The following ABCF2 variants were observed in gnomAD, a reference collection of about 807,000 sequenced individuals.
ABCF2 encodes ATP-binding cassette sub-family F member 2.
A neutral mutation model predicts 76.9 loss-of-function variants in ABCF2; 37 were observed. The observed-to-expected ratio is 0.48, with a 90% CI of 0.37 to 0.63. The LOEUF (loss-of-function observed/expected upper bound fraction) is 0.63, where lower values mean the gene tolerates loss of function less well. Among genes scored for constraint, ABCF2 ranks in the 30% least tolerant of loss-of-function variants. The pLI is 0.00. For synonymous variants in ABCF2, 299 were observed against 283.7 expected, an observed-to-expected ratio of 1.05 and a Z score of -0.54; for missense variants, 524 against 782.1, an observed-to-expected ratio of 0.67 and a Z score of 3.94.
chr7:151,223,081 C>T (rs916719264), intron 5 of ABCF2, among the ~76,000 whole-genome samples: 12 of 152,130 alleles, frequency 7.9e-5, no homozygotes, highest in East Asian at 1.9e-4. Flanking sequence ...TTGGGTGAAC[C>T]GGAGGCAGCT....
At chr7:151,221,202 C>CTTTTTTTT (rs57035639) in intron 7 of ABCF2, among the ~76,000 whole-genome samples, 1 of 140,548 alleles carries the variant, frequency 7.1e-6, no homozygotes, top group Admixed American at 7.1e-5. Flanking sequence ...GATAGGTCTG[C>CTTTTTTTT]TTTTTTTTTT....
rs190020927 is a variant in ABCF2 at position 151,212,315 on chromosome 7, C to G, written c.*1739G>C. On this transcript the variant is annotated 3_prime_UTR_variant, in exon 15 of 15. Transcript: ENST00000287844. ...CAGATAAGGTATGCAGAGCCCTGGGCTGGAAGTGAATTCAACAGTGATGAT... is the reference window on the plus strand; with the variant it reads ...CAGATAAGGTATGCAGAGCCCTGGGGTGGAAGTGAATTCAACAGTGATGAT... The G allele has an allele frequency of 1.2e-5, 12 of 985,172 alleles. No individual in the cohort carries two copies. Among genetic ancestry groups the G allele is most frequent in the Non-Finnish European group, 1.4e-5 (12 of 829,908 alleles). 61.0% of individuals were successfully genotyped at this position (985,172 alleles called of 1,614,324 possible).
In ABCF2 at chr7:151,219,184, G is replaced by A. The variant is rs572437469; in HGVS notation, c.922-25C>T. 129 of 1,601,370 alleles carry A rather than the reference G, an allele frequency of 8.1e-5. No homozygotes were observed. In the Middle Eastern group the frequency reaches 1.2e-3, roughly 14 times the overall value. The stretch of plus-strand genomic sequence containing the variant: ...CCTGCATGGAAATGTGCCAGGTAAG[G>A]CAGGCAGCTTTAACCTGGGTTTCAA... On this transcript the variant is annotated intron_variant, in intron 7 of 14. Transcript: ENST00000287844.
At chr7:151,222,760 G>A (rs1028824159) in intron 5 of ABCF2, 144 bp from the exon 6 acceptor site, 43 of 588,170 alleles carry the variant, frequency 7.3e-5, no homozygotes, top group Non-Finnish European at 6.3e-5. Flanking sequence ...TACCTCAGAG[G>A]GAAAAGGAGA....
Position 151,219,155 on chromosome 7 carries a change from T to C in ABCF2, c.926A>G (p.Asn309Ser). 2 of 1,613,880 alleles carry C rather than the reference T, an allele frequency of 1.2e-6. No individual in the cohort carries two copies. The highest frequency in any genetic ancestry group is 1.7e-6 in the Non-Finnish European group (2 of 1,179,850). ...CCGCGTCTTCACGTACTGATCATAA[T>C]TACCCTGCATGGAAATGTGCCAGGT... ...HNKKLKYYTG[N>S]YDQYVKTRLE... Residue 309 changes from asparagine to serine, a missense_variant, in exon 8 of 15, where the codon AAT (asparagine) becomes AGT (serine). Asn to Ser is a conservative substitution (Grantham distance 46). Around this residue, in one of 2 missense-constraint regions of ABCF2, gnomAD observed 330 missense variants for 433.6 expected, o/e 0.76. Coordinates refer to ENST00000287844, the MANE Select transcript of ABCF2 (RefSeq NM_007189.3).
rs1473629028 is a variant in ABCF2 at position 151,218,600 on chromosome 7, A to G, written c.1188T>C (p.Ile396=). Residue 396 remains isoleucine, a synonymous_variant, in exon 10 of 15, where the codon ATT becomes ATC. Transcript: ENST00000287844. ...ACTTGAAGCTCACATTTTGCACCAT[A>G]ATGACAGGTGGAGGGATCTTGCCAC... ...PPCGKIPPPV[I]MVQNVSFKYT... The G allele has an allele frequency of 1.2e-6, 2 of 1,614,100 alleles. No individual in the cohort carries two copies. Among genetic ancestry groups the G allele is most frequent in the Non-Finnish European group, 1.7e-6 (2 of 1,180,018 alleles).
intron 2 of ABCF2, among the ~76,000 whole-genome samples, chr7:151,225,672 T>C (rs1167468351): frequency 6.6e-6 from 1 of 152,148 alleles, no homozygotes; most frequent in African/African-American, 2.4e-5. Context: ...CAGAAGGCTG[T>C]TTAGGGAGTT....
In ABCF2 at chr7:151,223,957, C is replaced by T. The variant is rs577998423; in HGVS notation, c.525G>A (p.Glu175=). 2 of 1,613,518 alleles carry T rather than the reference C, an allele frequency of 1.2e-6. No homozygotes were observed. The highest frequency in any genetic ancestry group is 1.3e-5 in the African/African-American group (1 of 74,922). The change falls in exon 4 of 15, where the codon GAG becomes GAA. Residue 175 remains glutamate (E), a synonymous_variant. Transcript: ENST00000287844. ...CATCCTCATGAGCCAGCCGCTCTGC[C>T]TCTTTCTCCAGCATGGCCCGCTCTG... is the stretch of plus-strand genomic sequence containing the variant. ...VDTERAMLEK[E]AERLAHEDAE...
At position 151,213,829 on chromosome 7, in the gene ABCF2, G is replaced by C; in HGVS notation, c.*225C>G. 7.2e-7 allele frequency: 1 copy of C among 1,379,718 alleles called. No homozygotes were observed. Among genetic ancestry groups the C allele is most frequent in the Non-Finnish European group, 9.3e-7 (1 of 1,071,738 alleles). 85.5% of individuals were successfully genotyped at this position (1,379,718 alleles called of 1,614,324 possible). A position where few individuals can be genotyped will look rare whatever the true frequency, so the allele number is the denominator to read the frequency against. On this transcript the variant is annotated 3_prime_UTR_variant, in exon 15 of 15. Coordinates refer to ENST00000287844, the MANE Select transcript of ABCF2 (RefSeq NM_007189.3). ...TGGAGGGAACGGCCAGCCGAGTCCA[G>C]ACATGGACAGATGTAACTGGAAGGA...
Position 151,213,980 on chromosome 7 carries a change from G to A in ABCF2, c.*74C>T. The A allele has an allele frequency of 1.9e-6, 3 of 1,591,972 alleles. No homozygotes were observed. The highest frequency in any genetic ancestry group is 2.6e-6 in the Non-Finnish European group (3 of 1,171,114). Reference sequence around the variant, plus strand: ...TGCAGGAGTGTAGCCCCAGGGTCCTGTCCTGAGCGGCTGGTCAGGTTAGCA... The same window carrying A: ...TGCAGGAGTGTAGCCCCAGGGTCCTATCCTGAGCGGCTGGTCAGGTTAGCA... On this transcript the variant is annotated 3_prime_UTR_variant, in exon 15 of 15. Coordinates refer to ENST00000287844, the MANE Select transcript of ABCF2 (RefSeq NM_007189.3).
intron 5 of ABCF2, among the ~76,000 whole-genome samples, chr7:151,223,289 G>A (rs1479279895): frequency 1.3e-5 from 2 of 152,138 alleles, no homozygotes; most frequent in African/African-American, 2.4e-5. Flanking sequence ...GGCCACAAGA[G>A]AATAAGAACG....
At position 151,213,737 on chromosome 7, in the gene ABCF2, G is replaced by T; in HGVS notation, c.*317C>A. 1 of 1,120,674 alleles carries T rather than the reference G, an allele frequency of 8.9e-7. No homozygotes were observed. The highest frequency in any genetic ancestry group is 1.1e-6 in the Non-Finnish European group (1 of 917,362). 69.4% of individuals were successfully genotyped at this position (1,120,674 alleles called of 1,614,324 possible). ...TCCGCAGGCCAAATCCAGGGCTTGGGCCCCTGGGCTAACCCGCAGGTGCCT... is the reference window on the plus strand; with the variant it reads ...TCCGCAGGCCAAATCCAGGGCTTGGTCCCCTGGGCTAACCCGCAGGTGCCT... On this transcript the variant is annotated 3_prime_UTR_variant, in exon 15 of 15. Transcript: ENST00000287844.
intron 7 of ABCF2, among the ~76,000 whole-genome samples, chr7:151,220,049 A>G (rs1802235211): frequency 2.0e-5 from 3 of 151,852 alleles, no homozygotes; most frequent in South Asian, 4.1e-4. Context: ...CAGTGAGCCA[A>G]TATCACGCCA....
rs114249490 is a variant in ABCF2, at chr7:151,213,119, C to G, written c.*935G>C. ...GCAGTTGGGGCAGAACCTCAGATCA[C>G]AATCAGAAAACCACGCTCCTGGACA... On this transcript the variant is annotated 3_prime_UTR_variant, in exon 15 of 15. Transcript: ENST00000287844. The G allele has an allele frequency of 1.3e-4, 130 of 985,406 alleles. No homozygotes were observed. Among genetic ancestry groups the G allele is most frequent in the Non-Finnish European group, 1.5e-4 (125 of 829,928 alleles). The allele number at this position is 985,406 out of a possible 1,614,324, so 61.0% of individuals were successfully genotyped here. A position where few individuals can be genotyped will look rare whatever the true frequency, so the allele number is the denominator to read the frequency against.
intron 1 of ABCF2, 123 bp from the exon 2 acceptor site, chr7:151,226,623 C>T: frequency 1.4e-6 from 1 of 726,074 alleles, no homozygotes; most frequent in Non-Finnish European, 2.2e-6. Context: ...TGGCCTGCCC[C>T]CGCCTCGTCT....
At chr7:151,219,217 T>C in intron 7 of ABCF2, 58 bp from the exon 8 acceptor site, 1 of 1,477,322 alleles carries the variant, frequency 6.8e-7, no homozygotes, top group Non-Finnish European at 9.5e-7. Flanking sequence ...CAATCCTGGA[T>C]TCTCACTCAG....
At chr7:151,224,729 G>A in intron 3 of ABCF2, 47 bp downstream of exon 3, 2 of 1,526,994 alleles carry the variant, frequency 1.3e-6, no homozygotes, top group Non-Finnish European at 1.8e-6. Context: ...GTGAGTGACA[G>A]ATGAGCTAAG....
In ABCF2 at chr7:151,224,147, G is replaced by A. The variant is rs1802329048; in HGVS notation, c.368-33C>T. 2.5e-6 allele frequency: 4 copies of A among 1,609,094 alleles called. No individual in the cohort carries two copies. The Admixed American group carries it at 6.7e-5, about 27-fold the overall frequency. On this transcript the variant is annotated intron_variant, in intron 3 of 14. Coordinates refer to ENST00000287844, the MANE Select transcript of ABCF2 (RefSeq NM_007189.3). ...GGGAGAGCAGCAGACGCTTGGTACA[G>A]TGAACTCCCCTATCCCTCTTCACCA...
At chr7:151,218,212 A>C in intron 10 of ABCF2, 21 bp from the exon 11 acceptor site, 1 of 1,520,042 alleles carries the variant, frequency 6.6e-7, no homozygotes, top group Non-Finnish European at 9.1e-7. Flanking sequence ...GATGAGAGAG[A>C]TGTGGACACA....
Sources: gnomAD v4.1 joint callset for allele counts (sites outside exome capture counted in the v4.1 genomes callset) on GRCh38, gnomAD v4.1.1 for gene constraint, gnomAD v4.1.1 regional missense constraint, MANE v1.5 for transcripts, NCBI Gene and HGNC (gene_info 2026-07-23, HGNC 2026-07-21) for gene names.